The following LAMC3 variants were observed in gnomAD, a reference collection of about 807,000 sequenced individuals.
The protein encoded by LAMC3 is laminin subunit gamma-3.
Under a neutral mutation model 173.8 loss-of-function variants are expected in LAMC3, and 128 were observed. That is an observed-to-expected ratio of 0.74 (90% CI 0.64 to 0.85). LAMC3 has a LOEUF of 0.85. Among genes scored for constraint, LAMC3 ranks in the 40% least tolerant of loss-of-function variants. The pLI is 0.00. For missense variants in LAMC3, 2,022 were observed against 2,156.0 expected (o/e 0.94, Z 1.23); for synonymous variants, 897 against 909.1 (o/e 0.99, Z 0.24).
At chr9:131,032,622 C>T (rs193013577) in intron 3 of LAMC3, among the ~76,000 whole-genome samples, 1 of 149,784 alleles carries the variant, frequency 6.7e-6, no homozygotes, top group Non-Finnish European at 1.5e-5. Flanking sequence ...CTCTCTCTCT[C>T]TCACTCTCTC....
chr9:131,027,352 C>G (rs745996790), intron 2 of LAMC3, among the ~76,000 whole-genome samples: 15 of 152,258 alleles, frequency 9.9e-5, no homozygotes, highest in Admixed American at 3.9e-4. Flanking sequence ...GCCTCGCTTC[C>G]TCCTCCTGTG....
chr9:131,045,764 G>C, intron 8 of LAMC3, 104 bp downstream of exon 8: 1 of 1,431,786 alleles, frequency 7.0e-7, no homozygotes, highest in East Asian at 2.3e-5. Context: ...CCATTGTGGA[G>C]AGGAGCCACA....
rs780728013 is a variant in LAMC3, at chr9:131,091,698, G to A, written c.4639G>A (p.Glu1547Lys). The change falls in exon 28 of 28, where the codon GAG becomes AAG. Residue 1547 changes from glutamate (E) to lysine (K), a missense_variant. Transcript: ENST00000361069. ...GCAGGAGCTGCAGATCCAGGGCTTCGAGAGTGACCTCGCCGAGATCCGCGC... is the reference window on the plus strand; with the variant it reads ...GCAGGAGCTGCAGATCCAGGGCTTCAAGAGTGACCTCGCCGAGATCCGCGC... ...QQQELQIQGF[E>K]SDLAEIRADK... The A allele has an allele frequency of 4.2e-5, 68 of 1,611,564 alleles. No individual in the cohort carries two copies. The highest frequency in any genetic ancestry group is 3.7e-5 in the Non-Finnish European group (44 of 1,179,196).
chr9:131,012,412 G>A (rs985316683), intron 1 of LAMC3, among the ~76,000 whole-genome samples: 1 of 152,198 alleles, frequency 6.6e-6, no homozygotes, highest in Non-Finnish European at 1.5e-5. Flanking sequence ...AGCCCGGGTC[G>A]GAGCCATGGC....
chr9:131,013,894 G>A (rs116826851), intron 1 of LAMC3, among the ~76,000 whole-genome samples: 2,302 of 152,332 alleles, frequency 0.015, 59 homozygotes, highest in African/African-American at 0.053. Context: ...CCTTGGCTCC[G>A]TTCTGTCTTC....
At chr9:131,081,061 T>A (rs1314300008) in intron 23 of LAMC3, among the ~76,000 whole-genome samples, 3 of 152,138 alleles carry the variant, frequency 2.0e-5, no homozygotes, top group Non-Finnish European at 4.4e-5. Context: ...CCCTCCTCAT[T>A]TCCACTTCCG....
intron 4 of LAMC3, among the ~76,000 whole-genome samples, 178 bp downstream of exon 4, chr9:131,036,510 G>T (rs1328098828): frequency 1.3e-5 from 2 of 152,110 alleles, no homozygotes; most frequent in Non-Finnish European, 2.9e-5. Context: ...GGGAGGGGGT[G>T]CATTTAAGCC....
Position 131,045,552 on chromosome 9 carries a change from C to A in LAMC3, c.1411C>A (p.Pro471Thr), listed in dbSNP as rs150066772. The stretch of plus-strand genomic sequence containing the variant: ...TCGCCCGGGGACCTTTAACCTGCAG[C>A]CCCACAATCCAGCTGGCTGCAGCAG... ...RCRPGTFNLQ[P>T]HNPAGCSSCF... Residue 471 changes from proline to threonine, a missense_variant, in exon 8 of 28, where the codon CCC (proline) becomes ACC (threonine). Pro to Thr is a conservative substitution (Grantham distance 38). Coordinates refer to ENST00000361069, the MANE Select transcript of LAMC3 (RefSeq NM_006059.4). 8.2e-5 allele frequency: 132 copies of A among 1,613,974 alleles called. No individual in the cohort carries two copies. The highest frequency in any genetic ancestry group is 6.1e-4 in the African/African-American group (46 of 75,052).
At position 131,069,051 on chromosome 9, in the gene LAMC3, G is replaced by GT; in HGVS notation, c.2890+2dup. On this transcript the variant is annotated splice_donor_variant, in intron 16 of 27. Coordinates refer to ENST00000361069, the MANE Select transcript of LAMC3 (RefSeq NM_006059.4). LOFTEE classifies it high-confidence loss of function. The stretch of plus-strand genomic sequence containing the variant: ...GGCTTCTCCATCAAGGGCTGCCGGG[G>GT]TAAGGAGGCTGGGTCCTTCCCGGGC... 1 of 1,613,478 alleles carries GT rather than the reference G, an allele frequency of 6.2e-7. No individual in the cohort carries two copies. Among genetic ancestry groups the GT allele is most frequent in the South Asian group, 1.1e-5 (1 of 91,062 alleles).
intron 3 of LAMC3, among the ~76,000 whole-genome samples, chr9:131,033,002 A>G (rs1833872985): frequency 6.6e-6 from 1 of 152,194 alleles, no homozygotes. Context: ...GGCCTAGAGA[A>G]AGGCGCTTCT....
chr9:131,076,845 C>T (rs1400219820), intron 21 of LAMC3, among the ~76,000 whole-genome samples: 1 of 152,208 alleles, frequency 6.6e-6, no homozygotes. Context: ...CTGTGCTCCC[C>T]ACTTCACCGG....
chr9:131,036,948 C>A (rs559882849), intron 4 of LAMC3, among the ~76,000 whole-genome samples: 32 of 152,380 alleles, frequency 2.1e-4, no homozygotes, highest in South Asian at 6.2e-4. Flanking sequence ...GGGGCCAGAT[C>A]CCAGCTGGTG....
intron 6 of LAMC3, among the ~76,000 whole-genome samples, chr9:131,040,531 T>C (rs1257623286): frequency 6.6e-6 from 1 of 152,086 alleles, no homozygotes; most frequent in Non-Finnish European, 1.5e-5. Context: ...CTTTGTATAT[T>C]TGAGAGGCAG....
At chr9:131,066,228 C>T (rs1159713581) in intron 13 of LAMC3, among the ~76,000 whole-genome samples, 14 of 151,588 alleles carry the variant, frequency 9.2e-5, no homozygotes, top group African/African-American at 3.1e-4. Flanking sequence ...TGGTGGCTCA[C>T]GCCTGTAATT....
At chr9:131,032,535 T>TCTCTCTCTCTTTCTCTCTCTCG (rs1833849334) in intron 3 of LAMC3, among the ~76,000 whole-genome samples, 1 of 128,180 alleles carries the variant, frequency 7.8e-6, no homozygotes, top group Admixed American at 7.6e-5. Flanking sequence ...TCTCTCGCTG[T>TCTCTCTCTCTTTCTCTCTCTCG]CTCTCTCTCT....
At chr9:131,075,342 G>A (rs1830104806) in intron 20 of LAMC3, among the ~76,000 whole-genome samples, 1 of 152,210 alleles carries the variant, frequency 6.6e-6, no homozygotes, top group Non-Finnish European at 1.5e-5. Context: ...GGGAGGCCGA[G>A]GTGGGTGGAT....
At chr9:131,037,228 G>A (rs1399448704) in intron 4 of LAMC3, among the ~76,000 whole-genome samples, 2 of 152,190 alleles carry the variant, frequency 1.3e-5, no homozygotes, top group African/African-American at 4.8e-5. Flanking sequence ...GGACACAGAG[G>A]CCAGACTGCT....
At chr9:131,063,291 A>G (rs1829866077) in intron 13 of LAMC3, among the ~76,000 whole-genome samples, 1 of 151,954 alleles carries the variant, frequency 6.6e-6, no homozygotes, top group Non-Finnish European at 1.5e-5. Context: ...TCTCCCTTAC[A>G]TTTTCTAGCT....
chr9:131,062,363 AAAAAT>A lies in LAMC3; in HGVS notation c.2347+1149_2347+1153del, dbSNP rs61206967. 9.1e-3 allele frequency among the ~76,000 whole-genome samples: 1,392 copies of A among 152,240 alleles called. 17 individuals carry two copies. The highest frequency in any genetic ancestry group is 0.026 in the African/African-American group (1,094 of 41,536). On this transcript the variant is annotated intron_variant, in intron 13 of 27. Coordinates refer to ENST00000361069, the MANE Select transcript of LAMC3 (RefSeq NM_006059.4). ...GCAACAAGAGTGAAACTCTGTCTCA[AAAAAT>A]AAAATAAAGTATAATTCAATGACTT...
Sources: gnomAD v4.1 joint callset for allele counts (sites outside exome capture counted in the v4.1 genomes callset) on GRCh38, gnomAD v4.1.1 for gene constraint, MANE v1.5 for transcripts, NCBI Gene and HGNC (gene_info 2026-07-23, HGNC 2026-07-21) for gene names.